Variants in NBEA observed in about 807,000 individuals in gnomAD.
NBEA encodes lysosomal-trafficking regulator 2.
Under a neutral mutation model 343.4 loss-of-function variants are expected in NBEA, and 44 were observed. That is an observed-to-expected ratio of 0.13 (90% CI 0.10 to 0.16). NBEA has a LOEUF of 0.16. Ranked by LOEUF, NBEA falls within the 10% of genes least tolerant of loss-of-function variation. The pLI is 1.00. For synonymous variants in NBEA, 1,175 were observed against 1,238.7 expected (o/e 0.95, Z 1.08); for missense variants, 2,555 against 3,631.3 (o/e 0.70, Z 7.62).
At chr13:35,269,363 A>C (rs2033949729) in intron 34 of NBEA, among the ~76,000 whole-genome samples, 2 of 152,204 alleles carry the variant, frequency 1.3e-5, no homozygotes, top group Admixed American at 1.3e-4. Flanking sequence ...AACTTATGAC[A>C]TATTTGACAG....
intron 33 of NBEA, among the ~76,000 whole-genome samples, chr13:35,218,758 A>C (rs1273851694): frequency 6.6e-6 from 1 of 152,006 alleles, no homozygotes; most frequent in Non-Finnish European, 1.5e-5. Flanking sequence ...TAAGATGATC[A>C]TGTGGTTTTT....
chr13:35,167,929 A>C (rs1181006544), intron 24 of NBEA, among the ~76,000 whole-genome samples: 1 of 151,864 alleles, frequency 6.6e-6, no homozygotes, highest in Non-Finnish European at 1.5e-5. Context: ...TTCAGGGCTT[A>C]ATTTTCTCTG....
At chr13:35,171,243 C>G in intron 25 of NBEA, 29 bp from the exon 26 acceptor site, 1 of 1,589,918 alleles carries the variant, frequency 6.3e-7, no homozygotes, top group African/African-American at 1.4e-5. Context: ...AAATTTTAAA[C>G]AAGACTTAAA....
At chr13:35,209,972 C>T (rs2073656182) in intron 32 of NBEA, among the ~76,000 whole-genome samples, 1 of 152,012 alleles carries the variant, frequency 6.6e-6, no homozygotes, top group African/African-American at 2.4e-5. Flanking sequence ...ATTAGAGTTT[C>T]ATTCTTTATA....
chr13:35,367,510 A>G (rs963945537), intron 38 of NBEA, among the ~76,000 whole-genome samples: 6 of 150,776 alleles, frequency 4.0e-5, no homozygotes, highest in South Asian at 2.1e-4. Context: ...GAAGTTACAA[A>G]TTGTAATATC....
chr13:35,185,605 A>G (rs2071644043), intron 30 of NBEA: 2 of 152,142 alleles, frequency 1.3e-5, no homozygotes, highest in African/African-American at 2.4e-5. Flanking sequence ...TGCTATGGGA[A>G]GTATCCGGTT....
chr13:34,993,021 A>G (rs183271222), intron 1 of NBEA, among the ~76,000 whole-genome samples: 130 of 152,116 alleles, frequency 8.5e-4, no homozygotes, highest in Non-Finnish European at 1.2e-3. Context: ...GAGCCCTTGC[A>G]TGATCTCCAA....
intron 38 of NBEA, among the ~76,000 whole-genome samples, chr13:35,364,965 A>G (rs1255615657): frequency 1.3e-5 from 2 of 151,794 alleles, no homozygotes; most frequent in African/African-American, 4.8e-5. Context: ...TTTGACCCTG[A>G]TAGAACTCTA....
At chr13:35,214,134 CTCT>C (rs1400172285) in intron 33 of NBEA, among the ~76,000 whole-genome samples, 3 of 151,832 alleles carry the variant, frequency 2.0e-5, no homozygotes, top group Non-Finnish European at 4.4e-5. Context: ...TAATAATCTA[CTCT>C]TCTTTTCACC....
chr13:34,948,392 A>G (rs1446085722), intron 1 of NBEA, among the ~76,000 whole-genome samples: 1 of 152,180 alleles, frequency 6.6e-6, no homozygotes, highest in Non-Finnish European at 1.5e-5. Context: ...CTGAATGTGT[A>G]AATTCTTAAG....
intron 38 of NBEA, among the ~76,000 whole-genome samples, chr13:35,389,156 C>T (rs900058786): frequency 3.3e-5 from 5 of 151,992 alleles, no homozygotes; most frequent in Non-Finnish European, 5.9e-5. Flanking sequence ...TAACAAAATG[C>T]CAAATGCAGA....
intron 33 of NBEA, among the ~76,000 whole-genome samples, chr13:35,223,073 A>G (rs933040165): frequency 1.2e-4 from 19 of 152,220 alleles, no homozygotes; most frequent in Non-Finnish European, 7.3e-5. Context: ...CAGAGGTTAC[A>G]GTGAGCTGAG....
chr13:35,115,176 T>C (rs541004168), intron 13 of NBEA, among the ~76,000 whole-genome samples: 1 of 152,254 alleles, frequency 6.6e-6, no homozygotes, highest in African/African-American at 2.4e-5. Flanking sequence ...GTAGCCAATG[T>C]TACCAGTCTT....
intron 48 of NBEA, among the ~76,000 whole-genome samples, chr13:35,612,770 G>T (rs1447743695): frequency 6.6e-6 from 1 of 152,192 alleles, no homozygotes; most frequent in South Asian, 2.1e-4. Flanking sequence ...AGCTAAACAA[G>T]CAAGACCTAC....
At chr13:35,522,270 C>T (rs2152993099) in intron 41 of NBEA, among the ~76,000 whole-genome samples, 1 of 151,870 alleles carries the variant, frequency 6.6e-6, no homozygotes, top group East Asian at 2.0e-4. Context: ...GAGATCGAGA[C>T]CAGCCTGGCC....
At chr13:35,143,827 G>C (rs1263939263) in intron 18 of NBEA, among the ~76,000 whole-genome samples, 3 of 151,012 alleles carry the variant, frequency 2.0e-5, no homozygotes, top group Non-Finnish European at 4.4e-5. Context: ...GGTCAAGGCT[G>C]CACTGAGCTG....
chr13:35,585,984 C>T (rs951875465), intron 46 of NBEA, among the ~76,000 whole-genome samples: 1 of 152,110 alleles, frequency 6.6e-6, no homozygotes, highest in African/African-American at 2.4e-5. Context: ...TTATTCTTGC[C>T]TTCTCCATTC....
rs184776010 is a variant in NBEA at position 35,388,219 on chromosome 13, G to A, written c.6179+35896G>A. Among the ~76,000 whole-genome samples, 531 of 152,180 alleles carry A rather than the reference G, an allele frequency of 3.5e-3. 2 individuals carry two copies. The highest frequency in any genetic ancestry group is 0.012 in the African/African-American group (509 of 41,534). On this transcript the variant is annotated intron_variant, in intron 38 of 58. Transcript: ENST00000379939. ...CCAAATCTTATGTACTCATTTTGACGATAGGTGGAATAATTATGTAAAGAA... is the reference window on the plus strand; with the variant it reads ...CCAAATCTTATGTACTCATTTTGACAATAGGTGGAATAATTATGTAAAGAA...
chr13:35,177,149 C>A, intron 28 of NBEA, 46 bp downstream of exon 28: 1 of 1,369,572 alleles, frequency 7.3e-7, no homozygotes, highest in Non-Finnish European at 1.0e-6. Context: ...CTTCTACTGT[C>A]ATTCGTATGA....
Sources: gnomAD v4.1 joint callset for allele counts (sites outside exome capture counted in the v4.1 genomes callset) on GRCh38, gnomAD v4.1.1 for gene constraint, MANE v1.5 for transcripts, NCBI Gene and HGNC (gene_info 2026-07-23, HGNC 2026-07-21) for gene names.